Variants in SYMPK observed in about 807,000 individuals in gnomAD.
SYMPK encodes symplekin scaffold protein, also known as symplekin.
A neutral mutation model predicts 136.4 loss-of-function variants in SYMPK; 49 were observed. The ratio of observed to expected loss-of-function variants is 0.36; its 90% CI spans 0.29 to 0.46. The LOEUF (loss-of-function observed/expected upper bound fraction) is 0.46. Among genes scored for constraint, SYMPK ranks in the 20% least tolerant of loss-of-function variants. SYMPK has a pLI of 1.00. For missense variants in SYMPK, 1,365 were observed against 1,690.0 expected, an observed-to-expected ratio of 0.81 and a Z score of 3.37; for synonymous variants, 766 against 713.0, an observed-to-expected ratio of 1.07 and a Z score of -1.19.
rs752217620 is a variant in SYMPK, at chr19:45,821,508, TG to T, written c.2792-24del. Reference sequence around the variant, plus strand: ...CACCTGCAGCAGGCGGGAGGAAGGGTGGGGGAAGACAGTGCGGACGCATAAG... The same window carrying T: ...CACCTGCAGCAGGCGGGAGGAAGGGTGGGGAAGACAGTGCGGACGCATAAG... On this transcript the variant is annotated intron_variant, in intron 21 of 26. Coordinates refer to ENST00000245934, the MANE Select transcript of SYMPK (RefSeq NM_004819.3). The surrounding 1 kb of genome is among the most constrained non-coding windows in gnomAD (Gnocchi z 4.4). 7 of 1,560,534 alleles carry T rather than the reference TG, an allele frequency of 4.5e-6. No individual in the cohort carries two copies. Among genetic ancestry groups the T allele is most frequent in the Non-Finnish European group, 5.3e-6 (6 of 1,132,740 alleles).
At position 45,816,723 on chromosome 19, in the gene SYMPK, C is replaced by A. The variant is rs909494583; in HGVS notation, c.3258+75G>T. 181 of 1,482,082 alleles carry A rather than the reference C, an allele frequency of 1.2e-4. 2 individuals are homozygous for A. The South Asian group carries it at 2.2e-3, about 18-fold the overall frequency. The allele number at this position is 1,482,082 out of a possible 1,614,324, so 91.8% of individuals were successfully genotyped here. A position where few individuals can be genotyped will look rare whatever the true frequency, so the allele number is the denominator to read the frequency against. Reference sequence around the variant, plus strand: ...TCCGCCTCCATCCAGTCCCCACCAACCAGAGGGACCCAGGGGGCCGCCCAC... The same window carrying A: ...TCCGCCTCCATCCAGTCCCCACCAAACAGAGGGACCCAGGGGGCCGCCCAC... On this transcript the variant is annotated intron_variant, in intron 24 of 26. Transcript: ENST00000245934.
intron 22 of SYMPK, chr19:45,820,789 C>A: frequency 3.7e-6 from 1 of 267,830 alleles, no homozygotes; most frequent in Non-Finnish European, 7.0e-6. Context: ...GTCACCTAAC[C>A]TCTCTGGAGC....
At chr19:45,838,322 T>G (rs1971355215) in intron 10 of SYMPK, 139 bp downstream of exon 10, 1 of 1,082,538 alleles carries the variant, frequency 9.2e-7, no homozygotes, top group Admixed American at 2.8e-5. Context: ...TGCAGAACTG[T>G]AAGCCAATTA....
At chr19:45,838,735 G>T in intron 9 of SYMPK, 120 bp from the exon 10 acceptor site, 2 of 1,121,948 alleles carry the variant, frequency 1.8e-6, no homozygotes, top group Non-Finnish European at 2.5e-6. Flanking sequence ...AGCAAACAGC[G>T]GATGAAGATC....
At chr19:45,854,272 C>A (rs377479432) in intron 2 of SYMPK, 32 bp from the exon 3 acceptor site, 1 of 1,609,484 alleles carries the variant, frequency 6.2e-7, no homozygotes, top group Middle Eastern at 1.7e-4. Flanking sequence ...GGGGATAGTG[C>A]CAGCCCAGTC....
Position 45,827,915 on chromosome 19 carries a change from G to A in SYMPK, c.1989C>T (p.Ile663=). Residue 663 remains isoleucine, a synonymous_variant, in exon 15 of 27, where the codon ATC becomes ATT. Transcript: ENST00000245934. The part of the protein sequence containing the change: ...LQEKPDQKDG[I]FTKVVLEAPL... ...GCGCCTCCAGCACAACCTTGGTGAA[G>A]ATCCTGCCAGAGATGGAGGGAGGGC... is the stretch of plus-strand genomic sequence containing the variant. 6.2e-7 allele frequency: 1 copy of A among 1,613,804 alleles called. No individual in the cohort carries two copies. Among genetic ancestry groups the A allele is most frequent in the Non-Finnish European group, 8.5e-7 (1 of 1,179,986 alleles).
intron 10 of SYMPK, 121 bp from the exon 11 acceptor site, chr19:45,835,349 G>T: frequency 1.1e-6 from 1 of 925,492 alleles, no homozygotes; most frequent in Non-Finnish European, 1.5e-6. Flanking sequence ...CTGCTCTCCT[G>T]GGGCCCAGCC....
At chr19:45,834,834 A>G (rs1251505888) in intron 11 of SYMPK, among the ~76,000 whole-genome samples, 1 of 152,252 alleles carries the variant, frequency 6.6e-6, no homozygotes, top group Non-Finnish European at 1.5e-5. Context: ...TAACTTGACC[A>G]AAGTCATACA....
chr19:45,828,254 G>A, intron 14 of SYMPK: 1 of 310,586 alleles, frequency 3.2e-6, no homozygotes, highest in Admixed American at 4.6e-5. Context: ...AGGCCGCTTT[G>A]AAGTTACAGT....
chr19:45,836,180 C>T (rs1971296573), intron 10 of SYMPK, among the ~76,000 whole-genome samples: 1 of 151,346 alleles, frequency 6.6e-6, no homozygotes, highest in Admixed American at 6.6e-5. Flanking sequence ...CGCCTGGGTT[C>T]AAGCAATTCT....
intron 20 of SYMPK, 112 bp downstream of exon 20, chr19:45,823,260 G>T: frequency 9.3e-7 from 1 of 1,074,312 alleles, no homozygotes; most frequent in Non-Finnish European, 1.4e-6. Flanking sequence ...GGTGCCTTCT[G>T]CCCTCTGCTA....
intron 17 of SYMPK, among the ~76,000 whole-genome samples, chr19:45,825,657 G>A (rs1971026051): frequency 6.6e-6 from 1 of 152,220 alleles, no homozygotes; most frequent in Non-Finnish European, 1.5e-5. Flanking sequence ...CTGTCTGCCA[G>A]GTGTTGTATG....
rs367799389 is a variant in SYMPK, at chr19:45,815,838, C to T, written c.3687+13G>A. On this transcript the variant is annotated intron_variant, in intron 26 of 26. Transcript: ENST00000245934. ...CCGGCTTCTTCCTTCGCAGCGGAGG[C>T]TGCTCTCCCTACCTTGGGTAGGGGG... is the stretch of plus-strand genomic sequence containing the variant. The T allele has an allele frequency of 2.5e-4, 396 of 1,610,470 alleles. 4 individuals carry two copies. In the South Asian group the frequency reaches 3.2e-3, roughly 13 times the overall value.
chr19:45,815,649 T>C lies in SYMPK; in HGVS notation c.3736A>G (p.Thr1246Ala). ...LTLKEERSPQ[T>A]LAPVGEDAMK... ...GCATCTTCTCCAACAGGTGCGAGGG[T>C]CTGGGGGCTCCGCTCCTCCTTCAAG... The change falls in exon 27 of 27, where the codon ACC (threonine) becomes GCC (alanine). Residue 1246 changes from threonine (T) to alanine (A), a missense_variant. Thr to Ala is a moderately conservative substitution (Grantham distance 58, BLOSUM62 0). Around this residue, in one of 11 missense-constraint regions of SYMPK, gnomAD observed 341 missense variants for 270.5 expected, o/e 1.26. Transcript: ENST00000245934. 1.9e-6 allele frequency: 3 copies of C among 1,608,850 alleles called. No individual in the cohort carries two copies. The highest frequency in any genetic ancestry group is 1.1e-5 in the South Asian group (1 of 90,494).
intron 13 of SYMPK, 30 bp from the exon 14 acceptor site, chr19:45,829,235 G>A: frequency 1.9e-6 from 3 of 1,596,042 alleles, no homozygotes; most frequent in Non-Finnish European, 2.6e-6. Context: ...GCATGTCAGT[G>A]TAGGGTGGGC....
At position 45,830,066 on chromosome 19, in the gene SYMPK, G is replaced by T. The variant is rs761825704; in HGVS notation, c.1737C>A (p.Ser579Arg). 14 of 1,553,036 alleles carry T rather than the reference G, an allele frequency of 9.0e-6. No individual in the cohort carries two copies. The highest frequency in any genetic ancestry group is 1.2e-5 in the Non-Finnish European group (14 of 1,147,166). The change falls in exon 13 of 27, where the codon AGC (serine) becomes AGA (arginine). Residue 579 changes from serine (S) to arginine (R), a missense_variant. This residue lies in a region of SYMPK where 303 missense variants were observed against 326.6 expected (regional missense o/e 0.93). Coordinates refer to ENST00000245934, the MANE Select transcript of SYMPK (RefSeq NM_004819.3). The stretch of plus-strand genomic sequence containing the variant: ...GGCAGGCGCACACCTGGGCTGCCCC[G>T]CTGCAGGCCACAGCCTTCTCAGCCC... ...ILRAEKAVAC[S>R]GAAQVRIKIL... is the part of the protein sequence containing the mutation.
At chr19:45,845,114 T>C (rs1026742329) in intron 7 of SYMPK, among the ~76,000 whole-genome samples, 26 of 145,586 alleles carry the variant, frequency 1.8e-4, no homozygotes, top group African/African-American at 6.7e-4. Flanking sequence ...AAATACTGGA[T>C]CTTTTTTTTT....
At position 45,844,212 on chromosome 19, in the gene SYMPK, AGAG is replaced by A; in HGVS notation, c.677-15_677-13del. The A allele has an allele frequency of 1.3e-6, 2 of 1,564,528 alleles. No individual in the cohort carries two copies. Among genetic ancestry groups the A allele is most frequent in the Non-Finnish European group, 1.7e-6 (2 of 1,154,344 alleles). ...TTCCCATAGCACGTCTAAGAGACAG[AGAG>A]GAGAACCAGTCAGTGGGATCCGTTT... On this transcript the variant is annotated splice_polypyrimidine_tract_variant and intron_variant, in intron 7 of 26. Coordinates refer to ENST00000245934, the MANE Select transcript of SYMPK (RefSeq NM_004819.3).
intron 5 of SYMPK, among the ~76,000 whole-genome samples, chr19:45,851,043 A>T (rs1169527353): frequency 6.6e-6 from 1 of 152,064 alleles, no homozygotes; most frequent in East Asian, 1.9e-4. Context: ...GACAGAGAGG[A>T]TCAGAAGTGA....
Sources: gnomAD v4.1 joint callset for allele counts (sites outside exome capture counted in the v4.1 genomes callset) on GRCh38, gnomAD v4.1.1 for gene constraint, gnomAD v4.1.1 regional missense constraint, Gnocchi (gnomAD v3.1) non-coding constraint, MANE v1.5 for transcripts, NCBI Gene and HGNC (gene_info 2026-07-23, HGNC 2026-07-21) for gene names.